The following SH3BP1 variants were observed in gnomAD, a reference collection of about 807,000 sequenced individuals.
SH3BP1 encodes SH3 domain-binding protein 1.
Under a neutral mutation model 69.8 loss-of-function variants are expected in SH3BP1, and 46 were observed. The observed-to-expected ratio is 0.66, with a 90% CI of 0.52 to 0.84. The LOEUF (loss-of-function observed/expected upper bound fraction) is 0.84. SH3BP1 is among the 40% of genes least tolerant of loss of function. The pLI, the probability that SH3BP1 is intolerant of heterozygous loss-of-function variation, is 0.00. For missense variants in SH3BP1, 868 were observed against 930.9 expected (o/e 0.93, Z 0.88); for synonymous variants, 403 against 378.0 (o/e 1.07, Z -0.77).
In SH3BP1 at chr22:37,641,108, C is replaced by CG. The variant is rs1569004555; in HGVS notation, c.60-18_60-17insG. The CG allele has an allele frequency of 1.0e-5, 14 of 1,388,384 alleles. No individual in the cohort carries two copies. The highest frequency in any genetic ancestry group is 1.4e-5 in the Non-Finnish European group (14 of 1,016,424). The allele number at this position is 1,388,384 out of a possible 1,614,324, so 86.0% of individuals were successfully genotyped here. A position where few individuals can be genotyped will look rare whatever the true frequency, so the allele number is the denominator to read the frequency against. ...TCAGCAGAAGCACTCTCCCCCCCCC[C>CG]CCCACCACTCCCCGCAGCACCCCGG... On this transcript the variant is annotated splice_polypyrimidine_tract_variant and intron_variant, in intron 1 of 17. Coordinates refer to ENST00000649765, the MANE Select transcript of SH3BP1 (RefSeq NM_018957.6).
intron 11 of SH3BP1, 43 bp from the exon 12 acceptor site, chr22:37,647,224 C>T (rs375872643): frequency 4.6e-6 from 7 of 1,526,864 alleles, no homozygotes; most frequent in African/African-American, 4.1e-5. Flanking sequence ...AGTGGGAGAG[C>T]GGGTGGGGGC....
chr22:37,645,857 GC>G (rs1342720221), intron 10 of SH3BP1, among the ~76,000 whole-genome samples: 2 of 151,820 alleles, frequency 1.3e-5, no homozygotes, highest in Non-Finnish European at 2.9e-5. Flanking sequence ...TGAATACATT[GC>G]CCCCCTGTCC....
chr22:37,647,412 G>A (rs1327769042), intron 12 of SH3BP1, 29 bp from the exon 13 acceptor site: 1 of 1,611,440 alleles, frequency 6.2e-7, no homozygotes, highest in African/African-American at 1.3e-5. Context: ...GCCCTGCGCT[G>A]GCTGACAGGT....
chr22:37,645,598 G>A, intron 10 of SH3BP1, 88 bp downstream of exon 10: 2 of 1,455,388 alleles, frequency 1.4e-6, no homozygotes, highest in East Asian at 2.3e-5. Context: ...CCGGGTGCCT[G>A]TAATTCCCTC....
chr22:37,649,639 C>T (rs933469040), intron 14 of SH3BP1, among the ~76,000 whole-genome samples: 1 of 152,080 alleles, frequency 6.6e-6, no homozygotes, highest in South Asian at 2.1e-4. Context: ...CAAAAATTAT[C>T]TGGGCGTGGT....
At chr22:37,640,795 T>G in intron 1 of SH3BP1, 1 of 386,716 alleles carries the variant, frequency 2.6e-6, no homozygotes. Flanking sequence ...GGGCTGAGGA[T>G]TTGGGAGTGG....
At position 37,653,890 on chromosome 22, in the gene SH3BP1, AGGGGAGGAGGGGACAGAGGGTGGGC is replaced by A. The variant is rs1932942908; in HGVS notation, c.1693+24_1693+48del. ...CTCGGAGGAGTGAGTTGGCTGTGGGAGGGGAGGAGGGGACAGAGGGTGGGCGGGGAGAGGGGACAGGCAGTCCCAG... is the reference window on the plus strand; with the variant it reads ...CTCGGAGGAGTGAGTTGGCTGTGGGAGGGGAGAGGGGACAGGCAGTCCCAG... On this transcript the variant is annotated intron_variant, in intron 17 of 17. Transcript: ENST00000649765. 4 of 597,844 alleles carry A rather than the reference AGGGGAGGAGGGGACAGAGGGTGGGC, an allele frequency of 6.7e-6. No homozygotes were observed. The highest frequency in any genetic ancestry group is 2.2e-5 in the Admixed American group (1 of 44,958). The allele number at this position is 597,844 out of a possible 1,614,324, so 37.0% of individuals were successfully genotyped here.
At chr22:37,647,047 C>T (rs1043287993) in intron 11 of SH3BP1, 118 bp downstream of exon 11, 8 of 778,688 alleles carry the variant, frequency 1.0e-5, no homozygotes, top group East Asian at 2.7e-5. Context: ...TGAGGACACT[C>T]GGGTTCTTAA....
In SH3BP1 at chr22:37,655,317, T is replaced by C. The variant is rs1601592183; in HGVS notation, c.1739T>C (p.Val580Ala). 2.4e-6 allele frequency: 3 copies of C among 1,270,852 alleles called. No individual in the cohort carries two copies. Among genetic ancestry groups the C allele is most frequent in the Non-Finnish European group, 2.0e-6 (2 of 995,736 alleles). 78.7% of individuals were successfully genotyped at this position (1,270,852 alleles called of 1,614,324 possible). A position where few individuals can be genotyped will look rare whatever the true frequency, so the allele number is the denominator to read the frequency against. The change falls in exon 18 of 18, where the codon GTC (valine) becomes GCC (alanine). Residue 580 changes from valine to alanine, a missense_variant. Val to Ala is a moderately conservative substitution (Grantham distance 64, BLOSUM62 0). Transcript: ENST00000649765. ...PARPTMPPPQVSGSRSSPPAP... is the reference protein window; with the variant it reads ...PARPTMPPPQASGSRSSPPAP... ...CGGCCCACCATGCCGCCCCCCCAGG[T>C]CTCCGGCTCCCGCTCCTCCCCTCCA...
At chr22:37,647,050 G>C in intron 11 of SH3BP1, 121 bp downstream of exon 11, 2 of 757,904 alleles carry the variant, frequency 2.6e-6, no homozygotes, top group East Asian at 2.7e-5. Flanking sequence ...GGACACTCGG[G>C]TTCTTAATGT....
chr22:37,646,268 T>G lies in SH3BP1; in HGVS notation c.925-550T>G, dbSNP rs201624011. Among the ~76,000 whole-genome samples, 101 of 139,102 alleles carry G rather than the reference T, an allele frequency of 7.3e-4. No homozygotes were observed. In the East Asian group the frequency reaches 0.02, roughly 27 times the overall value. The allele number at this position is 139,102 out of a possible 152,430, so 91.3% of individuals were successfully genotyped here. On this transcript the variant is annotated intron_variant, in intron 10 of 17. Coordinates refer to ENST00000649765, the MANE Select transcript of SH3BP1 (RefSeq NM_018957.6). Reference sequence around the variant, plus strand: ...ATGAGCCACTGCGCCCGACCCTTTTTTTTTTTTTGAGACAGGATCTCGCTC... The same window carrying G: ...ATGAGCCACTGCGCCCGACCCTTTTGTTTTTTTTGAGACAGGATCTCGCTC...
chr22:37,655,936 A>G lies in SH3BP1; in HGVS notation c.*252A>G, dbSNP rs1933030957. 6.4e-7 allele frequency: 1 copy of G among 1,565,180 alleles called. No individual in the cohort carries two copies. On this transcript the variant is annotated 3_prime_UTR_variant, in exon 18 of 18. Coordinates refer to ENST00000649765, the MANE Select transcript of SH3BP1 (RefSeq NM_018957.6). ...TCCACTCTCCGGCAGGTCCTAGGGG[A>G]GCCACCGGAAGGAAGGAGAGGTTTG...
chr22:37,650,385 G>T, intron 15 of SH3BP1, 136 bp downstream of exon 15: 2 of 1,491,692 alleles, frequency 1.3e-6, no homozygotes, highest in South Asian at 2.6e-5. Flanking sequence ...AACGGGGATG[G>T]TCTGCCTGCT....
chr22:37,642,724 G>C (rs539417131), intron 4 of SH3BP1, 109 bp downstream of exon 4: 2 of 1,606,096 alleles, frequency 1.2e-6, no homozygotes, highest in African/African-American at 2.7e-5. Flanking sequence ...GACCAGGCTG[G>C]GGACAGTTCC....
At position 37,655,985 on chromosome 22, in the gene SH3BP1, TCTCTTGCCGACA is replaced by T; in HGVS notation, c.*302_*313del. 1 of 1,515,456 alleles carries T rather than the reference TCTCTTGCCGACA, an allele frequency of 6.6e-7. No homozygotes were observed. The highest frequency in any genetic ancestry group is 8.9e-7 in the Non-Finnish European group (1 of 1,127,386). 93.9% of individuals were successfully genotyped at this position (1,515,456 alleles called of 1,614,324 possible). A position where few individuals can be genotyped will look rare whatever the true frequency, so the allele number is the denominator to read the frequency against. On this transcript the variant is annotated 3_prime_UTR_variant, in exon 18 of 18. Transcript: ENST00000649765. ...TGCCTGCTCCTACGGGACTGATTCT[TCTCTTGCCGACA>T]TGTTTTTTGTAAGGCTGGTAAATAA...
In SH3BP1 at chr22:37,650,071, G is replaced by A. The variant is rs752072224; in HGVS notation, c.1317-81G>A. The A allele has an allele frequency of 3.4e-6, 5 of 1,451,366 alleles. No homozygotes were observed. In the Admixed American group the frequency reaches 6.7e-5, roughly 19 times the overall value. 89.9% of individuals were successfully genotyped at this position (1,451,366 alleles called of 1,614,324 possible). On this transcript the variant is annotated intron_variant, in intron 14 of 17. Coordinates refer to ENST00000649765, the MANE Select transcript of SH3BP1 (RefSeq NM_018957.6). ...AGGACTCAATATGATGGATCCTTGT[G>A]TCTCCATTGCCCAGCACAGAGCCAG...
chr22:37,646,653 T>G, intron 10 of SH3BP1, 165 bp from the exon 11 acceptor site: 1 of 433,494 alleles, frequency 2.3e-6, no homozygotes. Flanking sequence ...ATTCTAGACC[T>G]TGAAGGTTGA....
Position 37,646,877 on chromosome 22 carries a change from C to T in SH3BP1, c.984C>T (p.Ala328=). The change falls in exon 11 of 18, where the codon GCC becomes GCT. Residue 328 remains alanine (A), a synonymous_variant. Coordinates refer to ENST00000649765, the MANE Select transcript of SH3BP1 (RefSeq NM_018957.6). ...TGAAGCGTCTCAAGCAGACAATGGC[C>T]TCGGACCCCCACAGCCTGGAGGAGT... The part of the protein sequence containing the change: ...SVLKRLKQTM[A]SDPHSLEEFC... 1 of 1,565,068 alleles carries T rather than the reference C, an allele frequency of 6.4e-7. No individual in the cohort carries two copies. The highest frequency in any genetic ancestry group is 8.6e-7 in the Non-Finnish European group (1 of 1,157,858).
intron 14 of SH3BP1, among the ~76,000 whole-genome samples, chr22:37,649,657 G>A (rs936689514): frequency 1.3e-5 from 2 of 152,018 alleles, no homozygotes; most frequent in South Asian, 2.1e-4. Flanking sequence ...GGTGGTACGC[G>A]CCTGTAATCC....
Sources: gnomAD v4.1 joint callset for allele counts (sites outside exome capture counted in the v4.1 genomes callset) on GRCh38, gnomAD v4.1.1 for gene constraint, MANE v1.5 for transcripts, NCBI Gene and HGNC (gene_info 2026-07-23, HGNC 2026-07-21) for gene names.